The following ATP5PO variants were observed in gnomAD, a reference collection of about 807,000 sequenced individuals.
ATP5PO encodes ATP synthase peripheral stalk subunit OSCP, mitochondrial.
In ATP5PO, 14 loss-of-function variants were observed where a neutral mutation model predicts 26.2. That is an observed-to-expected ratio of 0.53 (90% CI 0.35 to 0.83). The LOEUF is 0.83. Ranked by LOEUF, ATP5PO falls within the 40% of genes least tolerant of loss-of-function variation. The pLI is 0.01. For synonymous variants in ATP5PO, 106 were observed against 95.1 expected (o/e 1.12, Z -0.67); for missense variants, 241 against 258.5 (o/e 0.93, Z 0.46).
chr21:33,911,317 G>C (rs1319292319), intron 3 of ATP5PO, among the ~76,000 whole-genome samples: 3 of 151,996 alleles, frequency 2.0e-5, no homozygotes, highest in Admixed American at 6.6e-5. Flanking sequence ...CAGCCTCACA[G>C]TCTTTGCCTG....
At position 33,915,764 on chromosome 21, in the gene ATP5PO, C is replaced by A. The variant is rs774700870; in HGVS notation, c.-1G>T. On this transcript the variant is annotated 5_prime_UTR_variant, in exon 1 of 7. Transcript: ENST00000290299. ...GCCCGGACACTGCTGGGGCAGCCAT[C>A]TTCTCCCGGGCGGCTGTAGGTCAAA... 1 of 1,572,532 alleles carries A rather than the reference C, an allele frequency of 6.4e-7. No individual in the cohort carries two copies. Among genetic ancestry groups the A allele is most frequent in the Non-Finnish European group, 8.6e-7 (1 of 1,159,426 alleles).
chr21:33,905,229 G>A (rs979653925), intron 5 of ATP5PO, among the ~76,000 whole-genome samples: 1 of 152,060 alleles, frequency 6.6e-6, no homozygotes, highest in South Asian at 2.1e-4. Flanking sequence ...AGACTAAAAG[G>A]TTACAGAATT....
At chr21:33,911,973 A>AT (rs369653065) in intron 3 of ATP5PO, among the ~76,000 whole-genome samples, 210 of 152,196 alleles carry the variant, frequency 1.4e-3, no homozygotes, top group African/African-American at 4.5e-3. Context: ...ATAAGCATAG[A>AT]TTTTTAAAGG....
chr21:33,908,838 C>A (rs548116494), intron 4 of ATP5PO: 28 of 396,762 alleles, frequency 7.1e-5, no homozygotes, highest in Non-Finnish European at 1.1e-4. Context: ...AAACTACTGA[C>A]TATACAATTA....
In ATP5PO at chr21:33,904,576, T is replaced by C. The variant is rs572883855; in HGVS notation, c.442-555A>G. On this transcript the variant is annotated intron_variant, in intron 5 of 6. Coordinates refer to ENST00000290299, the MANE Select transcript of ATP5PO (RefSeq NM_001697.3). ...CTCTCTGAACCCCAGTGAGAGAACC[T>C]GGAGCAGTTGGCTTTTCCTGAAGTC... 1.1e-3 allele frequency among the ~76,000 whole-genome samples: 168 copies of C among 152,206 alleles called. 1 individual carries two copies. Among genetic ancestry groups the C allele is most frequent in the Non-Finnish European group, 1.9e-3 (129 of 68,040 alleles).
intron 3 of ATP5PO, among the ~76,000 whole-genome samples, chr21:33,909,969 G>A (rs1249548423): frequency 6.6e-6 from 1 of 152,226 alleles, no homozygotes; most frequent in Non-Finnish European, 1.5e-5. Flanking sequence ...GAACCCAGCA[G>A]ATTCTGTGAG....
chr21:33,915,636 A>C, intron 1 of ATP5PO, 92 bp downstream of exon 1: 1 of 1,509,942 alleles, frequency 6.6e-7, no homozygotes, highest in Non-Finnish European at 8.9e-7. Flanking sequence ...AGACTTCCCC[A>C]GCCGAAGCAT....
At chr21:33,908,661 A>G (rs1987207115) in intron 4 of ATP5PO, among the ~76,000 whole-genome samples, 1 of 152,214 alleles carries the variant, frequency 6.6e-6, no homozygotes, top group African/African-American at 2.4e-5. Context: ...GTGAGCTGAG[A>G]TCGTGCCACT....
chr21:33,905,140 T>C (rs1307228560), intron 5 of ATP5PO, among the ~76,000 whole-genome samples: 2 of 152,158 alleles, frequency 1.3e-5, no homozygotes, highest in African/African-American at 2.4e-5. Context: ...TTTGTAAAGA[T>C]ATAACAATAT....
At chr21:33,907,312 A>G (rs780084595) in intron 5 of ATP5PO, 29 bp downstream of exon 5, 14 of 1,572,948 alleles carry the variant, frequency 8.9e-6, no homozygotes, top group Non-Finnish European at 1.2e-5. Flanking sequence ...ATATCAAGGC[A>G]AACACAGCAG....
chr21:33,913,913 G>A (rs934522263), intron 2 of ATP5PO, among the ~76,000 whole-genome samples: 1 of 152,062 alleles, frequency 6.6e-6, no homozygotes, highest in Non-Finnish European at 1.5e-5. Context: ...CCGAGTGGCT[G>A]GGATTATAGG....
intron 5 of ATP5PO, 67 bp downstream of exon 5, chr21:33,907,274 T>C: frequency 1.4e-6 from 2 of 1,405,386 alleles, no homozygotes; most frequent in Non-Finnish European, 2.0e-6. Flanking sequence ...GTTTTTCCCT[T>C]TTCTTCCTGC....
At position 33,907,440 on chromosome 21, in the gene ATP5PO, T is replaced by C; in HGVS notation, c.342A>G (p.Glu114=). ...LTTNLINLLA[E]NGRLSNTQGV... ...CTTGGGTATTGCTTAATCGACCATT[T>C]TCAGCAAGCAAATCTGCCAGAGTGA... The change falls in exon 5 of 7, where the codon GAA becomes GAG. Residue 114 remains glutamate, a synonymous_variant. Transcript: ENST00000290299. The C allele has an allele frequency of 1.2e-6, 2 of 1,614,006 alleles. No homozygotes were observed. Among genetic ancestry groups the C allele is most frequent in the Non-Finnish European group, 1.7e-6 (2 of 1,179,922 alleles).
chr21:33,915,565 C>A, intron 1 of ATP5PO, 163 bp downstream of exon 1: 1 of 1,099,630 alleles, frequency 9.1e-7, no homozygotes, highest in Non-Finnish European at 1.3e-6. Context: ...TCCCGGGGGA[C>A]AAACGCTGGG....
rs369688647 is a variant in ATP5PO at position 33,915,755 on chromosome 21, G to A, written c.9C>T (p.Ala3=). ...GCCGGGAGAGCCCGGACACTGCTGG[G>A]GCAGCCATCTTCTCCCGGGCGGCTG... MA[A]PAVSGLSRQV... The change falls in exon 1 of 7, where the codon GCC becomes GCT. Residue 3 remains alanine, a synonymous_variant. Transcript: ENST00000290299. 251 of 1,575,478 alleles carry A rather than the reference G, an allele frequency of 1.6e-4. No homozygotes were observed. Among genetic ancestry groups the A allele is most frequent in the Non-Finnish European group, 1.9e-4 (219 of 1,160,900 alleles).
chr21:33,905,992 T>C (rs546247850), intron 5 of ATP5PO, among the ~76,000 whole-genome samples: 92 of 151,090 alleles, frequency 6.1e-4, no homozygotes, highest in African/African-American at 2.2e-3. Context: ...TGCTTCATGA[T>C]GGGTGACCGT....
intron 3 of ATP5PO, 44 bp from the exon 4 acceptor site, chr21:33,909,255 A>C: frequency 1.3e-6 from 2 of 1,586,368 alleles, no homozygotes; most frequent in Non-Finnish European, 1.7e-6. Flanking sequence ...TTAGAGCACA[A>C]ATGAAGGATG....
At chr21:33,914,058 G>A (rs1418160457) in intron 2 of ATP5PO, among the ~76,000 whole-genome samples, 2 of 152,022 alleles carry the variant, frequency 1.3e-5, no homozygotes, top group Non-Finnish European at 2.9e-5. Flanking sequence ...GACTACAGGC[G>A]TGAGCCACCG....
chr21:33,914,744 C>G, intron 1 of ATP5PO: 1 of 478,488 alleles, frequency 2.1e-6, no homozygotes. Flanking sequence ...TAGGAATGGA[C>G]CGAGGCTAGC....
Sources: allele counts gnomAD v4.1 joint callset (sites outside exome capture counted in the v4.1 genomes callset), GRCh38; gene constraint gnomAD v4.1.1; transcripts MANE v1.5; gene names NCBI Gene and HGNC (gene_info 2026-07-23, HGNC 2026-07-21).